Variants in PDZD2 observed in about 807,000 individuals in gnomAD.
PDZD2 encodes the protein PDZ domain containing 2.
In PDZD2, 90 loss-of-function variants were observed where a neutral mutation model predicts 220.7. The ratio of observed to expected loss-of-function variants is 0.41; its 90% CI spans 0.34 to 0.49. The LOEUF is 0.49. PDZD2 is among the 20% of genes least tolerant of loss of function. The pLI is 0.28. For synonymous variants in PDZD2, 1,375 were observed against 1,450.5 expected, an observed-to-expected ratio of 0.95 and a Z score of 1.18; for missense variants, 3,174 against 3,608.5, an observed-to-expected ratio of 0.88 and a Z score of 3.08.
chr5:32,014,706 C>CTTTTTTTTTTTTTTTTTTT lies in PDZD2; in HGVS notation c.1407+4234_1407+4252dup, dbSNP rs556276502. 3.1e-3 allele frequency among the ~76,000 whole-genome samples: 293 copies of CTTTTTTTTTTTTTTTTTTT among 95,412 alleles called. 72 individuals are homozygous for CTTTTTTTTTTTTTTTTTTT. The highest frequency in any genetic ancestry group is 0.012 in the African/African-American group (282 of 22,892). 62.6% of individuals were successfully genotyped at this position (95,412 alleles called of 152,430 possible). A position where few individuals can be genotyped will look rare whatever the true frequency, so the allele number is the denominator to read the frequency against. ...ATTTTCTGCTCTGCAATGACAATTT[C>CTTTTTTTTTTTTTTTTTTT]TTTTTTTTTTTTTTTTTTTTTTTTT... On this transcript the variant is annotated intron_variant, in intron 6 of 24. Transcript: ENST00000438447.
chr5:31,699,237 G>A (rs77676765), intron 1 of PDZD2, among the ~76,000 whole-genome samples: 4,650 of 152,206 alleles, frequency 0.031, 226 homozygotes, highest in African/African-American at 0.11. Context: ...GGAAAAAGAG[G>A]AGCATCTAAA....
At chr5:31,816,099 T>C (rs1276201433) in intron 2 of PDZD2, among the ~76,000 whole-genome samples, 1 of 151,930 alleles carries the variant, frequency 6.6e-6, no homozygotes, top group Non-Finnish European at 1.5e-5. Flanking sequence ...CCATCCTGGC[T>C]AACACAGTGA....
In PDZD2 at chr5:32,048,638, G is replaced by A. The variant is rs752343800; in HGVS notation, c.1619G>A (p.Arg540Gln). The change falls in exon 8 of 25, where the codon CGG (arginine) becomes CAG (glutamine). Residue 540 changes from arginine (R) to glutamine (Q), a missense_variant. Transcript: ENST00000438447. ...IRMLEVSRDG[R>Q]KHSLPQLLDS... is the part of the protein sequence containing the mutation. The stretch of plus-strand genomic sequence containing the variant: ...ATGTTGGAGGTCTCCCGAGATGGCC[G>A]GAAACACTCCCTCCCGCAGCTGCTG... The A allele has an allele frequency of 1.2e-6, 2 of 1,614,072 alleles. No homozygotes were observed. Among genetic ancestry groups the A allele is most frequent in the Admixed American group, 1.7e-5 (1 of 60,016 alleles).
chr5:32,105,140 A>C (rs1173026718), intron 24 of PDZD2, among the ~76,000 whole-genome samples: 2 of 151,622 alleles, frequency 1.3e-5, no homozygotes, highest in African/African-American at 4.9e-5. Context: ...TCTCAAAAAA[A>C]AACAATCAAT....
intron 7 of PDZD2, among the ~76,000 whole-genome samples, chr5:32,043,993 C>T (rs1464915610): frequency 6.6e-6 from 1 of 152,156 alleles, no homozygotes; most frequent in Non-Finnish European, 1.5e-5. Context: ...GTTCTCCTTC[C>T]ATCTCAAGAG....
intron 2 of PDZD2, chr5:31,822,818 C>G (rs1755965749): frequency 2.3e-6 from 2 of 859,488 alleles, no homozygotes; most frequent in African/African-American, 3.4e-5. Context: ...GACCAATTCT[C>G]CTGGATAATG....
rs570855182 is a variant in PDZD2, at chr5:31,881,801, G to A, written c.476+82077G>A. On this transcript the variant is annotated intron_variant, in intron 2 of 24. Transcript: ENST00000438447. ...CACGATCTCAGCTCACTGCATCTCC[G>A]CCTCCTGGGTTTAAGTGATTCTCCT... Among the ~76,000 whole-genome samples the A allele has an allele frequency of 2.6e-3, 399 of 151,862 alleles. 1 individual carries two copies. The highest frequency in any genetic ancestry group is 8.5e-3 in the African/African-American group (350 of 41,414).
intron 2 of PDZD2, among the ~76,000 whole-genome samples, chr5:31,831,779 T>G (rs1450777256): frequency 6.8e-6 from 1 of 147,626 alleles, no homozygotes; most frequent in Non-Finnish European, 1.5e-5. Flanking sequence ...CTGGGCGTGG[T>G]GGCGCTCACC....
intron 1 of PDZD2, among the ~76,000 whole-genome samples, chr5:31,685,886 T>C (rs181937022): frequency 2.0e-5 from 3 of 152,116 alleles, no homozygotes; most frequent in Admixed American, 6.6e-5. Context: ...TATGTATTTA[T>C]GAAAGATGAA....
intron 2 of PDZD2, among the ~76,000 whole-genome samples, chr5:31,869,308 T>C (rs1049169476): frequency 1.3e-5 from 2 of 152,192 alleles, no homozygotes; most frequent in Non-Finnish European, 2.9e-5. Context: ...CTTCCTCTTC[T>C]TCCTGACTCA....
chr5:32,029,329 T>TAAAAAAAA (rs34025632), intron 6 of PDZD2, among the ~76,000 whole-genome samples: 10 of 65,832 alleles, frequency 1.5e-4, no homozygotes, highest in Admixed American at 2.3e-4. Flanking sequence ...TCAAGAACTG[T>TAAAAAAAA]AAAAAAAAAA....
intron 6 of PDZD2, among the ~76,000 whole-genome samples, chr5:32,016,628 T>A (rs1311099431): frequency 1.3e-5 from 2 of 152,180 alleles, no homozygotes; most frequent in African/African-American, 4.8e-5. Context: ...CTATGGGCAG[T>A]GTGGGCTGAG....
At chr5:31,902,589 T>C (rs552731913) in intron 2 of PDZD2, among the ~76,000 whole-genome samples, 1 of 150,042 alleles carries the variant, frequency 6.7e-6, no homozygotes, top group South Asian at 2.2e-4. Context: ...TTTGAGCAAT[T>C]CTCCAGCCTC....
chr5:32,051,568 T>C lies in PDZD2; in HGVS notation c.1666-1043T>C, dbSNP rs567825337. Among the ~76,000 whole-genome samples the C allele has an allele frequency of 7.9e-5, 12 of 152,230 alleles. No individual in the cohort carries two copies. In the South Asian group the frequency reaches 1.5e-3, roughly 18 times the overall value. On this transcript the variant is annotated intron_variant, in intron 8 of 24. Coordinates refer to ENST00000438447, the MANE Select transcript of PDZD2 (RefSeq NM_178140.4). ...AAGAAGTTTATTATTCTAAGAAGAA[T>C]AGCAAGGAGCAAGATTATAGAAGTG...
At chr5:31,931,438 G>A (rs567938637) in intron 2 of PDZD2, among the ~76,000 whole-genome samples, 4 of 152,324 alleles carry the variant, frequency 2.6e-5, no homozygotes, top group East Asian at 3.9e-4. Flanking sequence ...AATTACAGGC[G>A]TGAGGCGCTG....
At chr5:31,830,555 A>G (rs1016298761) in intron 2 of PDZD2, among the ~76,000 whole-genome samples, 2 of 151,902 alleles carry the variant, frequency 1.3e-5, no homozygotes, top group Non-Finnish European at 2.9e-5. Context: ...TATTTGGGAC[A>G]TCCATTTGTT....
Position 31,905,073 on chromosome 5 carries a change from A to G in PDZD2, c.477-78082A>G, listed in dbSNP as rs548480462. ...AACCTCCGTCTCCTGGGTTCAAGCA[A>G]TTCTCCTACCTCAGCCTCTGGAGTA... is the stretch of plus-strand genomic sequence containing the variant. On this transcript the variant is annotated intron_variant, in intron 2 of 24. Coordinates refer to ENST00000438447, the MANE Select transcript of PDZD2 (RefSeq NM_178140.4). Among the ~76,000 whole-genome samples, 149 of 151,998 alleles carry G rather than the reference A, an allele frequency of 9.8e-4. 1 individual carries two copies. Among genetic ancestry groups the G allele is most frequent in the Non-Finnish European group, 1.5e-3 (105 of 67,976 alleles).
intron 1 of PDZD2, among the ~76,000 whole-genome samples, chr5:31,660,849 A>T (rs781649456): frequency 6.6e-6 from 1 of 152,178 alleles, no homozygotes; most frequent in Admixed American, 6.5e-5. Context: ...CAGCCTCCTG[A>T]GTAGCTTAGA....
Position 31,924,232 on chromosome 5 carries a change from A to G in PDZD2, c.477-58923A>G, listed in dbSNP as rs557248893. Among the ~76,000 whole-genome samples, 7 of 152,272 alleles carry G rather than the reference A, an allele frequency of 4.6e-5. No homozygotes were observed. The East Asian group carries it at 1.4e-3, about 29-fold the overall frequency. On this transcript the variant is annotated intron_variant, in intron 2 of 24. Coordinates refer to ENST00000438447, the MANE Select transcript of PDZD2 (RefSeq NM_178140.4). ...TAGGCAGCAGTCTGAACCCAAACCC[A>G]CTTGGCTGCCGTCCTTCCCAGAATG... is the stretch of plus-strand genomic sequence containing the variant.
Sources: gnomAD v4.1 joint callset for allele counts (sites outside exome capture counted in the v4.1 genomes callset) on GRCh38, gnomAD v4.1.1 for gene constraint, MANE v1.5 for transcripts, NCBI Gene and HGNC (gene_info 2026-07-23, HGNC 2026-07-21) for gene names.